DNAJC24: variants seen among roughly 807,000 people sequenced by gnomAD.
The protein encoded by DNAJC24 is DnaJ heat shock protein family (Hsp40) member C24.
A neutral mutation model predicts 18.0 loss-of-function variants in DNAJC24; 17 were observed. That is an observed-to-expected ratio of 0.94 (90% CI 0.65 to 1.42). The LOEUF is 1.42. Among genes scored for constraint, DNAJC24 ranks in the 40% most tolerant of loss-of-function variants. The pLI, the probability that DNAJC24 is intolerant of heterozygous loss-of-function variation, is 0.00. For synonymous variants in DNAJC24, 55 were observed against 57.7 expected, an observed-to-expected ratio of 0.95 and a Z score of 0.21; for missense variants, 158 against 175.6, an observed-to-expected ratio of 0.90 and a Z score of 0.57.
chr11:31,374,039 T>C (rs1031478453), intron 2 of DNAJC24: 4 of 343,160 alleles, frequency 1.2e-5, no homozygotes, highest in African/African-American at 6.3e-5. Context: ...CATTTGCAGA[T>C]AACGAGAGTT....
intron 2 of DNAJC24, among the ~76,000 whole-genome samples, chr11:31,411,039 G>A (rs1170278718): frequency 1.3e-5 from 2 of 152,060 alleles, no homozygotes; most frequent in African/African-American, 4.8e-5. Flanking sequence ...TTGGCTAGTG[G>A]GGATTAAAAG....
chr11:31,405,195 G>A (rs527451880), intron 2 of DNAJC24, among the ~76,000 whole-genome samples: 2 of 149,884 alleles, frequency 1.3e-5, no homozygotes, highest in East Asian at 2.0e-4. Flanking sequence ...TCAGCCTCCC[G>A]AGTAGCTGAG....
At chr11:31,383,280 C>T (rs1425585307) in intron 2 of DNAJC24, among the ~76,000 whole-genome samples, 4 of 152,036 alleles carry the variant, frequency 2.6e-5, no homozygotes, top group Non-Finnish European at 4.4e-5. Flanking sequence ...TCCCAACCCT[C>T]CAATCATGCT....
At chr11:31,426,623 G>T in intron 4 of DNAJC24, 1 of 298,120 alleles carries the variant, frequency 3.4e-6, no homozygotes, top group Non-Finnish European at 6.1e-6. Context: ...TTTTTTTGTT[G>T]TGTTTTTTTA....
chr11:31,402,617 T>A (rs904767867), intron 2 of DNAJC24, among the ~76,000 whole-genome samples: 2 of 152,046 alleles, frequency 1.3e-5, no homozygotes, highest in African/African-American at 4.8e-5. Context: ...CAAGTGCACC[T>A]CCCACCTCAG....
At chr11:31,416,224 A>T (rs1161077689) in intron 3 of DNAJC24, 1 of 152,110 alleles carries the variant, frequency 6.6e-6, no homozygotes, top group Admixed American at 6.5e-5. Flanking sequence ...TGGCTTGAAT[A>T]TTGGGTTCTG....
At chr11:31,412,848 T>C (rs748579308) in intron 2 of DNAJC24, among the ~76,000 whole-genome samples, 1 of 152,200 alleles carries the variant, frequency 6.6e-6, no homozygotes, top group Non-Finnish European at 1.5e-5. Flanking sequence ...AATACCAGGA[T>C]AGCATTTGCT....
At chr11:31,376,185 A>G (rs1425200890) in intron 2 of DNAJC24, among the ~76,000 whole-genome samples, 2 of 152,190 alleles carry the variant, frequency 1.3e-5, no homozygotes, top group African/African-American at 4.8e-5. Context: ...CATGTAAGAC[A>G]TGCTTTTCGC....
chr11:31,417,034 G>C (rs1375791828), intron 3 of DNAJC24: 1 of 152,032 alleles, frequency 6.6e-6, no homozygotes. Flanking sequence ...TCATGATTCA[G>C]ATAAATAGTT....
intron 3 of DNAJC24, 68 bp from the exon 4 acceptor site, chr11:31,426,219 A>T: frequency 9.5e-7 from 1 of 1,049,384 alleles, no homozygotes; most frequent in Non-Finnish European, 1.4e-6. Context: ...TTGCCTTTTT[A>T]GCATTCTTCA....
intron 2 of DNAJC24, among the ~76,000 whole-genome samples, chr11:31,405,374 ATTTTTTT>A (rs34856586): frequency 3.7e-5 from 5 of 134,364 alleles, no homozygotes; most frequent in Non-Finnish European, 8.2e-5. Context: ...CCAGCCAGGA[ATTTTTTT>A]TTTTTTTTTT....
intron 3 of DNAJC24, among the ~76,000 whole-genome samples, chr11:31,420,115 G>T (rs1952789393): frequency 6.6e-6 from 1 of 152,028 alleles, no homozygotes; most frequent in African/African-American, 2.4e-5. Flanking sequence ...TGGGACAGAA[G>T]CTTTTAAGCT....
At chr11:31,397,706 C>T (rs1043466932) in intron 2 of DNAJC24, among the ~76,000 whole-genome samples, 12 of 152,168 alleles carry the variant, frequency 7.9e-5, no homozygotes, top group South Asian at 2.1e-4. Context: ...TACAACTGCA[C>T]GGTCTTAACA....
intron 2 of DNAJC24, among the ~76,000 whole-genome samples, chr11:31,394,491 G>A (rs570985723): frequency 1.9e-4 from 29 of 151,980 alleles, no homozygotes; most frequent in Non-Finnish European, 3.1e-4. Context: ...TAGAGGGCTT[G>A]CTATGATGGC....
At chr11:31,399,950 C>G (rs1312832137) in intron 2 of DNAJC24, among the ~76,000 whole-genome samples, 2 of 151,996 alleles carry the variant, frequency 1.3e-5, no homozygotes, top group East Asian at 1.9e-4. Flanking sequence ...TGTGTTGTTC[C>G]CCTCCCTGTG....
intron 2 of DNAJC24, among the ~76,000 whole-genome samples, chr11:31,405,773 G>GA (rs1203669650): frequency 2.0e-5 from 3 of 151,906 alleles, no homozygotes; most frequent in East Asian, 1.9e-4. Flanking sequence ...CATTTATAAT[G>GA]AAAAAAAATT....
At chr11:31,395,703 C>T (rs1005698599) in intron 2 of DNAJC24, among the ~76,000 whole-genome samples, 14 of 152,140 alleles carry the variant, frequency 9.2e-5, no homozygotes, top group African/African-American at 1.9e-4. Flanking sequence ...GGTCTTGTAA[C>T]GTGTCAGGCA....
intron 3 of DNAJC24, chr11:31,417,386 A>T (rs1952759723): frequency 6.6e-6 from 1 of 152,020 alleles, no homozygotes; most frequent in Non-Finnish European, 1.5e-5. Context: ...ACTCAGCTTC[A>T]GTAAAATGGC....
chr11:31,426,127 G>T (rs937513730), intron 3 of DNAJC24, among the ~76,000 whole-genome samples, 160 bp from the exon 4 acceptor site: 1 of 152,112 alleles, frequency 6.6e-6, no homozygotes, highest in Non-Finnish European at 1.5e-5. Flanking sequence ...CTAAAGTCAG[G>T]TTACTTTAAC....
Sources: gnomAD v4.1 joint callset for allele counts (sites outside exome capture counted in the v4.1 genomes callset) on GRCh38, gnomAD v4.1.1 for gene constraint, MANE v1.5 for transcripts, NCBI Gene and HGNC (gene_info 2026-07-23, HGNC 2026-07-21) for gene names.